The following FAM83B variants were observed in gnomAD, a reference collection of about 807,000 sequenced individuals.
FAM83B encodes the protein protein FAM83B.
Under a neutral mutation model 38.8 loss-of-function variants are expected in FAM83B, and 26 were observed. The ratio of observed to expected loss-of-function variants is 0.67; its 90% CI spans 0.49 to 0.93. FAM83B has a LOEUF of 0.93. Ranked by LOEUF, FAM83B falls within the 40% of genes least tolerant of loss-of-function variation. The pLI is 0.00. For synonymous variants in FAM83B, 419 were observed against 423.1 expected (o/e 0.99, Z 0.12); for missense variants, 1,237 against 1,197.3 (o/e 1.03, Z -0.49).
chr6:54,883,120 A>G (rs1345837554), intron 2 of FAM83B, among the ~76,000 whole-genome samples: 1 of 151,112 alleles, frequency 6.6e-6, no homozygotes, highest in Non-Finnish European at 1.5e-5. Context: ...TTGTTTTTGT[A>G]TTTTTAGTAG....
chr6:54,894,032 A>G (rs1772463302), intron 2 of FAM83B, among the ~76,000 whole-genome samples: 1 of 152,220 alleles, frequency 6.6e-6, no homozygotes, highest in Admixed American at 6.5e-5. Context: ...TCAAAGATCA[A>G]CACTCTTCAT....
intron 2 of FAM83B, among the ~76,000 whole-genome samples, chr6:54,889,509 C>T (rs1243853126): frequency 2.0e-5 from 3 of 152,036 alleles, no homozygotes; most frequent in Non-Finnish European, 4.4e-5. Flanking sequence ...TACCAAAATC[C>T]ATGAATAGGC....
intron 1 of FAM83B, among the ~76,000 whole-genome samples, chr6:54,857,913 T>C (rs1280813541): frequency 2.0e-5 from 3 of 151,860 alleles, no homozygotes; most frequent in Admixed American, 1.3e-4. Context: ...GCATTCCAGG[T>C]GGATGGAACA....
intron 4 of FAM83B, among the ~76,000 whole-genome samples, chr6:54,939,222 G>A (rs1677029284): frequency 6.6e-6 from 1 of 152,074 alleles, no homozygotes; most frequent in African/African-American, 2.4e-5. Context: ...TGGTGTATGT[G>A]CCTATTCTTA....
intron 4 of FAM83B, among the ~76,000 whole-genome samples, chr6:54,934,782 G>C (rs1056960274): frequency 1.3e-5 from 2 of 152,074 alleles, no homozygotes; most frequent in African/African-American, 4.8e-5. Flanking sequence ...TGCTCTATAT[G>C]AGACTTTCAA....
intron 2 of FAM83B, among the ~76,000 whole-genome samples, chr6:54,918,573 T>C (rs1773098504): frequency 6.6e-6 from 1 of 152,036 alleles, no homozygotes; most frequent in African/African-American, 2.4e-5. Context: ...GAAAGCCTCT[T>C]ATAAAACCAT....
intron 1 of FAM83B, 87 bp downstream of exon 1, chr6:54,846,913 G>GC (rs1177976942): frequency 1.3e-5 from 2 of 152,140 alleles, no homozygotes; most frequent in East Asian, 3.9e-4. Context: ...GGTACTGGGG[G>GC]GGCCCGGGGC....
intron 2 of FAM83B, among the ~76,000 whole-genome samples, chr6:54,900,344 T>C (rs938707537): frequency 5.9e-5 from 9 of 152,146 alleles, no homozygotes; most frequent in Non-Finnish European, 7.4e-5. Context: ...TTCAAACTGC[T>C]CATTTTCTTT....
chr6:54,936,828 A>C (rs1206838140), intron 4 of FAM83B, among the ~76,000 whole-genome samples: 2 of 150,614 alleles, frequency 1.3e-5, no homozygotes, highest in Non-Finnish European at 3.0e-5. Context: ...CCATTACTTG[A>C]TGTTTCTAAT....
intron 4 of FAM83B, among the ~76,000 whole-genome samples, chr6:54,932,969 T>G (rs181478094): frequency 8.6e-4 from 131 of 152,314 alleles, no homozygotes; most frequent in Non-Finnish European, 1.6e-3. Flanking sequence ...TTGAGTTCTT[T>G]AAAATTTGTA....
intron 1 of FAM83B, among the ~76,000 whole-genome samples, chr6:54,861,103 T>C (rs780761290): frequency 2.4e-4 from 37 of 152,230 alleles, no homozygotes; most frequent in Non-Finnish European, 4.7e-4. Context: ...ATTTATTTTT[T>C]AGTAGTCTCT....
intron 2 of FAM83B, among the ~76,000 whole-genome samples, chr6:54,908,644 C>T (rs1029110770): frequency 6.6e-6 from 1 of 152,092 alleles, no homozygotes; most frequent in African/African-American, 2.4e-5. Flanking sequence ...ATCATAGAGA[C>T]AATGTACAAT....
chr6:54,936,011 G>A (rs549110703), intron 4 of FAM83B, among the ~76,000 whole-genome samples: 5 of 152,166 alleles, frequency 3.3e-5, no homozygotes, highest in Non-Finnish European at 7.4e-5. Context: ...ATTTTGGGTA[G>A]AGATTGGACA....
chr6:54,861,132 C>T (rs1771572502), intron 1 of FAM83B, among the ~76,000 whole-genome samples: 1 of 152,228 alleles, frequency 6.6e-6, no homozygotes, highest in South Asian at 2.1e-4. Context: ...CTTTAGTCAA[C>T]TCTCACTCTG....
chr6:54,863,819 GT>G (rs1188114531), intron 1 of FAM83B, among the ~76,000 whole-genome samples: 6 of 152,212 alleles, frequency 3.9e-5, no homozygotes, highest in Non-Finnish European at 8.8e-5. Flanking sequence ...TAACATGTAT[GT>G]TTTTTGTTGA....
At chr6:54,855,405 C>T (rs1169971263) in intron 1 of FAM83B, among the ~76,000 whole-genome samples, 2 of 151,938 alleles carry the variant, frequency 1.3e-5, no homozygotes, top group Non-Finnish European at 2.9e-5. Context: ...AGTCCATATA[C>T]GTTGAAAAAA....
At chr6:54,934,291 A>G (rs1473043847) in intron 4 of FAM83B, among the ~76,000 whole-genome samples, 3 of 152,118 alleles carry the variant, frequency 2.0e-5, no homozygotes, top group African/African-American at 7.2e-5. Context: ...AACTTTGTTT[A>G]TTCATCTGTT....
At chr6:54,849,879 G>C (rs1433250735) in intron 1 of FAM83B, among the ~76,000 whole-genome samples, 1 of 151,988 alleles carries the variant, frequency 6.6e-6, no homozygotes, top group Admixed American at 6.6e-5. Context: ...ATAGAGTCAG[G>C]TGTAGTCTCC....
At position 54,887,622 on chromosome 6, in the gene FAM83B, C is replaced by T. The variant is rs565246008; in HGVS notation, c.444+16932C>T. Among the ~76,000 whole-genome samples the T allele has an allele frequency of 3.9e-5, 6 of 151,962 alleles. No individual in the cohort carries two copies. The South Asian group carries it at 1.2e-3, about 32-fold the overall frequency. ...TATTTTTAAAGGGAATATTTTGAGA[C>T]TCTTTTTAGGTACATAGAAATTTCT... On this transcript the variant is annotated intron_variant, in intron 2 of 4. Transcript: ENST00000306858.
Sources: allele counts gnomAD v4.1 joint callset (sites outside exome capture counted in the v4.1 genomes callset), GRCh38; gene constraint gnomAD v4.1.1; transcripts MANE v1.5; gene names NCBI Gene and HGNC (gene_info 2026-07-23, HGNC 2026-07-21).